The following DAB1 variants were observed in gnomAD, a reference collection of about 807,000 sequenced individuals.
DAB1 encodes the protein disabled homolog 1.
DAB1 carries 15 observed loss-of-function variants against 64.6 expected under a neutral mutation model. That is an observed-to-expected ratio of 0.23 (90% CI 0.16 to 0.36). The LOEUF (loss-of-function observed/expected upper bound fraction) is 0.36, where lower values mean the gene tolerates loss of function less well. DAB1 is among the 10% of genes least tolerant of loss of function. DAB1 has a pLI of 1.00. For missense variants in DAB1, 596 were observed against 706.7 expected (o/e 0.84, Z 1.78); for synonymous variants, 235 against 251.9 (o/e 0.93, Z 0.64).
At chr1:57,039,585 T>C (rs1030375921) in intron 9 of DAB1, among the ~76,000 whole-genome samples, 2 of 152,216 alleles carry the variant, frequency 1.3e-5, no homozygotes, top group African/African-American at 2.4e-5. Context: ...AAGGCTGGAC[T>C]GTTCTAGGAG....
intron 4 of DAB1, among the ~76,000 whole-genome samples, chr1:58,259,457 A>C (rs995309570): frequency 4.6e-5 from 7 of 152,156 alleles, no homozygotes; most frequent in Admixed American, 2.0e-4. Context: ...GCTACATGTA[A>C]TCTTTTCTTC....
chr1:57,571,795 A>G (rs1645196453), intron 7 of DAB1, among the ~76,000 whole-genome samples: 1 of 152,198 alleles, frequency 6.6e-6, no homozygotes, highest in Non-Finnish European at 1.5e-5. Context: ...CTGCTAGAGT[A>G]AATTTGGGAT....
At chr1:58,205,699 T>C (rs572852077) in intron 4 of DAB1, among the ~76,000 whole-genome samples, 1 of 152,362 alleles carries the variant, frequency 6.6e-6, no homozygotes, top group East Asian at 1.9e-4. Flanking sequence ...CCCAATGTTG[T>C]CATTAACATT....
intron 2 of DAB1, among the ~76,000 whole-genome samples, chr1:57,175,840 A>G (rs927759295): frequency 2.0e-5 from 3 of 152,156 alleles, no homozygotes; most frequent in African/African-American, 7.2e-5. Context: ...GCCCCAGTAA[A>G]GCCACATTTT....
intron 4 of DAB1, among the ~76,000 whole-genome samples, chr1:58,240,963 C>G (rs1009242582): frequency 2.0e-5 from 3 of 152,038 alleles, no homozygotes; most frequent in Non-Finnish European, 4.4e-5. Flanking sequence ...CACAATCTGA[C>G]AGTGAGGAGA....
chr1:58,221,374 C>T (rs59776061), intron 4 of DAB1, among the ~76,000 whole-genome samples: 4,978 of 152,246 alleles, frequency 0.033, 140 homozygotes, highest in African/African-American at 0.072. Context: ...TGAAAGAAAT[C>T]GAATTTTAAA....
intron 1 of DAB1, chr1:58,533,952 C>G (rs544037272): frequency 1.4e-5 from 12 of 871,980 alleles, no homozygotes; most frequent in Admixed American, 5.1e-5. Flanking sequence ...TAGGTACTTA[C>G]AGCATGCCCA....
chr1:58,025,651 GTATATATATA>G lies in DAB1; in HGVS notation n.387+124850_387+124859del, dbSNP rs763787466. Among the ~76,000 whole-genome samples, 225 of 75,288 alleles carry G rather than the reference GTATATATATA, an allele frequency of 3.0e-3. 2 individuals are homozygous for G. The highest frequency in any genetic ancestry group is 7.9e-3 in the African/African-American group (196 of 24,722). The allele number at this position is 75,288 out of a possible 152,430, so 49.4% of individuals were successfully genotyped here. On this transcript the variant is annotated intron_variant and non_coding_transcript_variant, in intron 5 of 20. Transcript: ENST00000485760. Reference sequence around the variant, plus strand: ...AATATAATATTATATATATATGTGTGTATATATATATATATATATATATATATATATATAT... The same window carrying G: ...AATATAATATTATATATATATGTGTGTATATATATATATATATATATATAT...
intron 2 of DAB1, among the ~76,000 whole-genome samples, chr1:57,218,515 T>TAAAAAAAAAAAAAAAAAAAAAAA (rs776398255): frequency 2.8e-5 from 2 of 71,440 alleles, no homozygotes; most frequent in Non-Finnish European, 4.7e-5. Context: ...CCCCCATCTC[T>TAAAAAAAAAAAAAAAAAAAAAAA]AAAAAAAAAA....
chr1:57,138,974 A>T (rs1485635930), intron 3 of DAB1, among the ~76,000 whole-genome samples: 1 of 152,172 alleles, frequency 6.6e-6, no homozygotes, highest in East Asian at 1.9e-4. Context: ...GAACTCAAAG[A>T]GAAGGAAAGT....
chr1:57,578,144 G>A (rs575775640), intron 7 of DAB1, among the ~76,000 whole-genome samples: 4 of 152,302 alleles, frequency 2.6e-5, no homozygotes, highest in South Asian at 2.1e-4. Flanking sequence ...CCAGGGACTC[G>A]TAAATCAAAA....
chr1:57,071,161 C>G lies in DAB1; in HGVS notation c.559-100G>C. The G allele has an allele frequency of 5.9e-6, 7 of 1,194,726 alleles. No homozygotes were observed. The Admixed American group carries it at 9.9e-5, about 17-fold the overall frequency. The allele number at this position is 1,194,726 out of a possible 1,614,324, so 74.0% of individuals were successfully genotyped here. A position where few individuals can be genotyped will look rare whatever the true frequency, so the allele number is the denominator to read the frequency against. ...TTACAGGACAGTAAAGAAACCAGCT[C>G]TGGGCAGAAGAGGCTGGTGGGCCAT... On this transcript the variant is annotated intron_variant, in intron 6 of 14. Coordinates refer to ENST00000371236, the MANE Select transcript of DAB1 (RefSeq NM_001365792.1).
At chr1:57,705,472 A>C (rs374284202) in intron 6 of DAB1, among the ~76,000 whole-genome samples, 1 of 152,116 alleles carries the variant, frequency 6.6e-6, no homozygotes, top group East Asian at 1.9e-4. Flanking sequence ...ATTGCATTAA[A>C]AATATATTTC....
At chr1:57,755,955 T>A (rs1404955786) in intron 6 of DAB1, among the ~76,000 whole-genome samples, 1 of 152,138 alleles carries the variant, frequency 6.6e-6, no homozygotes, top group Non-Finnish European at 1.5e-5. Flanking sequence ...TGCAATGAGG[T>A]AGGATCGAGG....
chr1:58,408,758 T>C (rs1014379330), intron 3 of DAB1, among the ~76,000 whole-genome samples: 1 of 152,220 alleles, frequency 6.6e-6, no homozygotes, highest in Non-Finnish European at 1.5e-5. Flanking sequence ...CGTGTTCTTG[T>C]TGACATTACA....
chr1:58,140,701 C>G (rs1654234927), intron 5 of DAB1, among the ~76,000 whole-genome samples: 1 of 152,124 alleles, frequency 6.6e-6, no homozygotes, highest in Admixed American at 6.6e-5. Flanking sequence ...TGTTCTGTTT[C>G]CCTAAGGTCT....
intron 5 of DAB1, among the ~76,000 whole-genome samples, chr1:57,897,645 T>G (rs758503664): frequency 7.9e-5 from 12 of 152,230 alleles, no homozygotes; most frequent in Admixed American, 2.0e-4. Context: ...CCAATATTTT[T>G]GAAGGGATAG....
At chr1:57,119,323 T>A (rs1484305451) in intron 4 of DAB1, among the ~76,000 whole-genome samples, 1 of 152,130 alleles carries the variant, frequency 6.6e-6, no homozygotes, top group Non-Finnish European at 1.5e-5. Flanking sequence ...AGGATTCTGG[T>A]TGGCTATCAT....
intron 4 of DAB1, among the ~76,000 whole-genome samples, chr1:58,182,352 T>G (rs1012415808): frequency 2.4e-4 from 37 of 151,986 alleles, no homozygotes; most frequent in African/African-American, 8.9e-4. Flanking sequence ...GGTGAGTTTT[T>G]GGGCATTATT....
Sources: gnomAD v4.1 joint callset for allele counts (sites outside exome capture counted in the v4.1 genomes callset) on GRCh38, gnomAD v4.1.1 for gene constraint, MANE v1.5 for transcripts, NCBI Gene and HGNC (gene_info 2026-07-23, HGNC 2026-07-21) for gene names.